PTPRM: variants seen among roughly 807,000 people sequenced by gnomAD.
PTPRM encodes receptor-type tyrosine-protein phosphatase mu.
PTPRM carries 47 observed loss-of-function variants against 186.7 expected under a neutral mutation model. The ratio of observed to expected loss-of-function variants is 0.25; its 90% CI spans 0.20 to 0.32. The LOEUF (loss-of-function observed/expected upper bound fraction) is 0.32. Ranked by LOEUF, PTPRM falls within the 10% of genes least tolerant of loss-of-function variation. The probability of loss-of-function intolerance (pLI) is 1.00; values close to 1 mark genes in which losing one functional copy is unlikely to be tolerated. For synonymous variants in PTPRM, 668 were observed against 674.9 expected, an observed-to-expected ratio of 0.99 and a Z score of 0.16; for missense variants, 1,494 against 1,865.0, an observed-to-expected ratio of 0.80 and a Z score of 3.66.
At chr18:8,012,717 C>T (rs188400139) in intron 7 of PTPRM, among the ~76,000 whole-genome samples, 3 of 152,266 alleles carry the variant, frequency 2.0e-5, no homozygotes, top group East Asian at 1.9e-4. Context: ...TTGAGACCAC[C>T]GTCATATGTG....
chr18:7,687,144 T>G (rs2039620981), intron 1 of PTPRM, among the ~76,000 whole-genome samples: 1 of 152,222 alleles, frequency 6.6e-6, no homozygotes, highest in South Asian at 2.1e-4. Context: ...CCAGTTTTAC[T>G]ATTAGATTGC....
intron 23 of PTPRM, among the ~76,000 whole-genome samples, chr18:8,350,299 C>A (rs2095527696): frequency 6.6e-6 from 1 of 152,214 alleles, no homozygotes; most frequent in Non-Finnish European, 1.5e-5. Context: ...AACCCCACCC[C>A]AAAGTGAACA....
Position 8,392,544 on chromosome 18 carries a change from G to T in PTPRM, c.4209-1932G>T, listed in dbSNP as rs780791342. Among the ~76,000 whole-genome samples, 164 of 151,910 alleles carry T rather than the reference G, an allele frequency of 1.1e-3. 1 individual carries two copies. The highest frequency in any genetic ancestry group is 1.8e-3 in the Non-Finnish European group (119 of 67,964). On this transcript the variant is annotated intron_variant, in intron 31 of 32. Coordinates refer to ENST00000580170, the MANE Select transcript of PTPRM (RefSeq NM_001105244.2). ...CGGGAGGCTGAGGCAGGAGAATGGCGTGAACCCAGGAGGCAGAGCTTGCAG... is the reference window on the plus strand; with the variant it reads ...CGGGAGGCTGAGGCAGGAGAATGGCTTGAACCCAGGAGGCAGAGCTTGCAG...
At chr18:7,842,947 T>TATATATAGAGAGAGAGAGAGAG (rs370746043) in intron 2 of PTPRM, among the ~76,000 whole-genome samples, 16 of 112,118 alleles carry the variant, frequency 1.4e-4, no homozygotes, top group East Asian at 6.2e-4. Flanking sequence ...TATATATATA[T>TATATATAGAGAGAGAGAGAGAG]AGAGAGAGAG....
At chr18:8,382,192 C>T (rs1335218884) in intron 29 of PTPRM, among the ~76,000 whole-genome samples, 1 of 152,086 alleles carries the variant, frequency 6.6e-6, no homozygotes, top group Non-Finnish European at 1.5e-5. Flanking sequence ...TTTATAGGTC[C>T]GGTTCACGGA....
chr18:7,874,919 G>A (rs1417505798), intron 2 of PTPRM, among the ~76,000 whole-genome samples: 7 of 152,168 alleles, frequency 4.6e-5, no homozygotes, highest in African/African-American at 4.8e-5. Flanking sequence ...ATGGCCTGGC[G>A]CAGTGGCTCA....
intron 2 of PTPRM, among the ~76,000 whole-genome samples, chr18:7,818,242 A>T (rs189843979): frequency 4.3e-4 from 66 of 152,334 alleles, no homozygotes; most frequent in African/African-American, 1.6e-3. Context: ...AAAGTAGCTT[A>T]ATAGTTAAGA....
At chr18:7,823,755 G>T (rs1051372771) in intron 2 of PTPRM, among the ~76,000 whole-genome samples, 3 of 152,168 alleles carry the variant, frequency 2.0e-5, no homozygotes, top group Non-Finnish European at 2.9e-5. Context: ...AGGGGCCCTT[G>T]GGTCGGCTTC....
At chr18:7,631,803 C>A (rs2038198543) in intron 1 of PTPRM, among the ~76,000 whole-genome samples, 1 of 152,110 alleles carries the variant, frequency 6.6e-6, no homozygotes, top group Non-Finnish European at 1.5e-5. Flanking sequence ...CGGGTAGGTT[C>A]CCTGTTACTG....
intron 1 of PTPRM, among the ~76,000 whole-genome samples, chr18:7,674,384 G>C (rs1040343587): frequency 2.6e-5 from 4 of 152,334 alleles, no homozygotes; most frequent in Admixed American, 2.0e-4. Flanking sequence ...GAGATAGGTA[G>C]GTTTGTGAGA....
At chr18:8,044,376 T>G (rs775965043) in intron 7 of PTPRM, among the ~76,000 whole-genome samples, 8 of 152,146 alleles carry the variant, frequency 5.3e-5, no homozygotes, top group Non-Finnish European at 8.8e-5. Flanking sequence ...TAACCATCCC[T>G]AGGTGGGAGT....
At chr18:7,740,101 ACATTT>A (rs1171735079) in intron 1 of PTPRM, among the ~76,000 whole-genome samples, 1 of 152,242 alleles carries the variant, frequency 6.6e-6, no homozygotes, top group Non-Finnish European at 1.5e-5. Flanking sequence ...ACAGTACTGA[ACATTT>A]CTATCCTCAG....
intron 1 of PTPRM, among the ~76,000 whole-genome samples, chr18:7,591,169 G>C (rs574797900): frequency 1.3e-5 from 2 of 152,146 alleles, no homozygotes; most frequent in Non-Finnish European, 2.9e-5. Flanking sequence ...ATGCATCCCC[G>C]TGTGTTTTTT....
At chr18:7,684,591 A>G (rs1450450677) in intron 1 of PTPRM, among the ~76,000 whole-genome samples, 3 of 152,234 alleles carry the variant, frequency 2.0e-5, no homozygotes, top group African/African-American at 4.8e-5. Context: ...AAATAGAATC[A>G]TACGCTATTT....
At chr18:8,210,590 T>C (rs1034782599) in intron 14 of PTPRM, among the ~76,000 whole-genome samples, 4 of 152,154 alleles carry the variant, frequency 2.6e-5, no homozygotes, top group Non-Finnish European at 4.4e-5. Context: ...TTAGGGTACT[T>C]TTTACAGCAG....
At chr18:8,072,087 CAAG>C (rs2089515666) in intron 8 of PTPRM, among the ~76,000 whole-genome samples, 1 of 152,102 alleles carries the variant, frequency 6.6e-6, no homozygotes, top group Admixed American at 6.6e-5. Context: ...AACTACTTGA[CAAG>C]AAGTACTGTC....
intron 1 of PTPRM, among the ~76,000 whole-genome samples, chr18:7,633,715 G>A (rs928307669): frequency 9.2e-5 from 14 of 152,044 alleles, no homozygotes; most frequent in South Asian, 4.1e-4. Flanking sequence ...TGCATCCTCC[G>A]CATCGCAGGA....
chr18:8,035,529 A>C (rs893023068), intron 7 of PTPRM, among the ~76,000 whole-genome samples: 12 of 152,320 alleles, frequency 7.9e-5, no homozygotes, highest in African/African-American at 2.9e-4. Flanking sequence ...AATGCTATGT[A>C]AATAGTTCTT....
chr18:7,996,190 A>T (rs1371742290), intron 7 of PTPRM, among the ~76,000 whole-genome samples: 1 of 152,086 alleles, frequency 6.6e-6, no homozygotes, highest in African/African-American at 2.4e-5. Flanking sequence ...TCTTAAAAAA[A>T]AAAATAAATA....
Sources: gnomAD v4.1 joint callset for allele counts (sites outside exome capture counted in the v4.1 genomes callset) on GRCh38, gnomAD v4.1.1 for gene constraint, MANE v1.5 for transcripts, NCBI Gene and HGNC (gene_info 2026-07-23, HGNC 2026-07-21) for gene names.